Variants in ABHD17B observed in about 807,000 individuals in gnomAD.
The protein encoded by ABHD17B is alpha/beta hydrolase domain-containing protein 17B.
Under a neutral mutation model 26.2 loss-of-function variants are expected in ABHD17B, and 9 were observed. The observed-to-expected ratio is 0.34, with a 90% CI of 0.21 to 0.60. ABHD17B has a LOEUF of 0.60. Among genes scored for constraint, ABHD17B ranks in the 20% least tolerant of loss-of-function variants. The pLI, the probability that ABHD17B is intolerant of heterozygous loss-of-function variation, is 0.80. For synonymous variants in ABHD17B, 127 were observed against 122.3 expected, an observed-to-expected ratio of 1.04 and a Z score of -0.25; for missense variants, 224 against 352.1, an observed-to-expected ratio of 0.64 and a Z score of 2.91.
chr9:71,882,509 AT>A (rs563869499), intron 1 of ABHD17B, among the ~76,000 whole-genome samples: 107 of 152,184 alleles, frequency 7.0e-4, no homozygotes, highest in African/African-American at 2.1e-3. Flanking sequence ...AAACACAAAA[AT>A]TAGCTGGTGT....
intron 1 of ABHD17B, among the ~76,000 whole-genome samples, chr9:71,896,703 C>CAT (rs752620466): frequency 7.5e-4 from 113 of 150,738 alleles, no homozygotes; most frequent in African/African-American, 2.6e-3. Context: ...CACACACACA[C>CAT]ATATATATAT....
chr9:71,885,326 G>A (rs551726026), intron 1 of ABHD17B, among the ~76,000 whole-genome samples: 10 of 151,934 alleles, frequency 6.6e-5, no homozygotes, highest in African/African-American at 2.4e-4. Flanking sequence ...CAGGCGTGGA[G>A]GCGTACACCT....
chr9:71,898,347 G>A (rs1827021280), intron 1 of ABHD17B, among the ~76,000 whole-genome samples: 1 of 151,878 alleles, frequency 6.6e-6, no homozygotes, highest in South Asian at 2.1e-4. Context: ...TAAAAACATG[G>A]GAGGCTGGGC....
At chr9:71,867,998 G>C (rs1826004562) in intron 3 of ABHD17B, among the ~76,000 whole-genome samples, 1 of 150,654 alleles carries the variant, frequency 6.6e-6, no homozygotes, top group Non-Finnish European at 1.5e-5. Context: ...CCTGAGGTCA[G>C]GAGTTCGAGA....
rs1420485287 is a variant in ABHD17B, at chr9:71,865,309, C to A, written c.*1478G>T. ...AACTACATAAGGCCTTAAAATATAT[C>A]CACAGTGTGTATTATTTCCATATTC... On this transcript the variant is annotated 3_prime_UTR_variant, in exon 4 of 4. Transcript: ENST00000333421. The A allele has an allele frequency of 1.0e-6, 1 of 985,302 alleles. No homozygotes were observed. The highest frequency in any genetic ancestry group is 1.1e-4 in the East Asian group (1 of 8,824). The allele number at this position is 985,302 out of a possible 1,614,324, so 61.0% of individuals were successfully genotyped here.
chr9:71,880,884 G>A (rs1318375128), intron 1 of ABHD17B, among the ~76,000 whole-genome samples: 4 of 151,762 alleles, frequency 2.6e-5, no homozygotes, highest in Non-Finnish European at 4.4e-5. Context: ...GCAGAAATTT[G>A]AGGAACTCAA....
intron 1 of ABHD17B, among the ~76,000 whole-genome samples, chr9:71,905,972 G>C (rs900319777): frequency 6.6e-6 from 1 of 152,112 alleles, no homozygotes; most frequent in Non-Finnish European, 1.5e-5. Flanking sequence ...GTTTGAGCTT[G>C]GCGGGGGTCG....
intron 1 of ABHD17B, 143 bp from the exon 2 acceptor site, chr9:71,875,226 GCTT>G (rs1826231494): frequency 8.2e-6 from 5 of 612,762 alleles, no homozygotes; most frequent in East Asian, 3.0e-5. Context: ...CAGATTTTTG[GCTT>G]CTTTTTTTTT....
chr9:71,874,732 G>A lies in ABHD17B; in HGVS notation c.349C>T (p.Arg117Trp). Residue 117 changes from arginine (R) to tryptophan (W), a missense_variant, in exon 2 of 4, where the codon CGG becomes TGG. Arg to Trp is a moderately radical substitution (Grantham distance 101). Coordinates refer to ENST00000333421, the MANE Select transcript of ABHD17B (RefSeq NM_001025780.3). ...MSSFYIGLGS[R>W]INCNIFSYDY... ...TATGAGAATATATTACAATTAATCC[G>A]TGATCCTAGTCCTATGTAAAAGCTG... is the stretch of plus-strand genomic sequence containing the variant. 6 of 1,614,120 alleles carry A rather than the reference G, an allele frequency of 3.7e-6. No homozygotes were observed. Among genetic ancestry groups the A allele is most frequent in the Non-Finnish European group, 5.1e-6 (6 of 1,180,006 alleles).
chr9:71,875,318 C>A (rs1365496958), intron 1 of ABHD17B, among the ~76,000 whole-genome samples: 8 of 151,920 alleles, frequency 5.3e-5, no homozygotes, highest in Non-Finnish European at 1.2e-4. Context: ...CTACGCCTCC[C>A]GGGTTCAAGT....
chr9:71,870,842 T>C (rs369515121), intron 2 of ABHD17B, among the ~76,000 whole-genome samples: 3 of 152,210 alleles, frequency 2.0e-5, no homozygotes, highest in Non-Finnish European at 4.4e-5. Context: ...GGACTAATGG[T>C]TGAAAAGATA....
chr9:71,908,959 G>A (rs1330532402), intron 1 of ABHD17B, among the ~76,000 whole-genome samples: 1 of 152,144 alleles, frequency 6.6e-6, no homozygotes, highest in Non-Finnish European at 1.5e-5. Context: ...GTCAAACTTG[G>A]AACAGACACT....
chr9:71,863,155 A>G (rs897592235), downstream of ABHD17B, among the ~76,000 whole-genome samples: 23 of 152,196 alleles, frequency 1.5e-4, no homozygotes, highest in African/African-American at 5.1e-4. Flanking sequence ...ATGGCACAAG[A>G]CCAAGGATTT....
Position 71,865,944 on chromosome 9 carries a change from G to T in ABHD17B, c.*843C>A. 2 of 985,286 alleles carry T rather than the reference G, an allele frequency of 2.0e-6. No individual in the cohort carries two copies. Among genetic ancestry groups the T allele is most frequent in the South Asian group, 9.4e-5 (2 of 21,276 alleles). The allele number at this position is 985,286 out of a possible 1,614,324, so 61.0% of individuals were successfully genotyped here. On this transcript the variant is annotated 3_prime_UTR_variant, in exon 4 of 4. Coordinates refer to ENST00000333421, the MANE Select transcript of ABHD17B (RefSeq NM_001025780.3). ...CTTTAAGATCAACTCATGGACTTTC[G>T]GGATTTCATACAATGAAGACTACTG...
At chr9:71,902,408 A>C (rs1827169664) in intron 1 of ABHD17B, 1 of 143,304 alleles carries the variant, frequency 7.0e-6, no homozygotes, top group Non-Finnish European at 1.5e-5. Context: ...TTATCTCATT[A>C]CCCCCACCTT....
intron 1 of ABHD17B, among the ~76,000 whole-genome samples, chr9:71,882,928 G>A (rs374084377): frequency 2.6e-5 from 4 of 152,158 alleles, no homozygotes; most frequent in Middle Eastern, 3.4e-3. Flanking sequence ...GGCAGAACAC[G>A]AGGTCAGGAG....
chr9:71,905,465 CTAAT>C (rs1827255906), intron 1 of ABHD17B, among the ~76,000 whole-genome samples: 1 of 152,156 alleles, frequency 6.6e-6, no homozygotes, highest in Non-Finnish European at 1.5e-5. Context: ...AATATTACTA[CTAAT>C]ATTTTTCTAC....
At chr9:71,904,251 G>C (rs1252265430) in intron 1 of ABHD17B, among the ~76,000 whole-genome samples, 1 of 152,118 alleles carries the variant, frequency 6.6e-6, no homozygotes, top group Non-Finnish European at 1.5e-5. Context: ...CAGGAAGCTA[G>C]GGAGCTTTGC....
chr9:71,887,895 A>ATT (rs1225431847), intron 1 of ABHD17B, among the ~76,000 whole-genome samples: 1 of 152,224 alleles, frequency 6.6e-6, no homozygotes, highest in Non-Finnish European at 1.5e-5. Flanking sequence ...CAATTCTAAC[A>ATT]TAAAAGCCAT....
Sources: gnomAD v4.1 joint callset for allele counts (sites outside exome capture counted in the v4.1 genomes callset) on GRCh38, gnomAD v4.1.1 for gene constraint, MANE v1.5 for transcripts, NCBI Gene and HGNC (gene_info 2026-07-23, HGNC 2026-07-21) for gene names.